TRAPPC9: variants seen among roughly 807,000 people sequenced by gnomAD.
The protein encoded by TRAPPC9 is trafficking protein particle complex subunit 9, also known as IKK2 binding protein.
In TRAPPC9, 83 loss-of-function variants were observed where a neutral mutation model predicts 124.0. That is an observed-to-expected ratio of 0.67 (90% CI 0.56 to 0.80). The LOEUF is 0.80. TRAPPC9 is among the 30% of genes least tolerant of loss of function. The probability of loss-of-function intolerance (pLI) is 0.00; values close to 1 mark genes in which losing one functional copy is unlikely to be tolerated. For missense variants in TRAPPC9, 1,302 were observed against 1,508.3 expected, an observed-to-expected ratio of 0.86 and a Z score of 2.27; for synonymous variants, 638 against 617.5, an observed-to-expected ratio of 1.03 and a Z score of -0.49.
chr8:140,178,535 C>T (rs1374047200), intron 17 of TRAPPC9, among the ~76,000 whole-genome samples: 1 of 152,022 alleles, frequency 6.6e-6, no homozygotes, highest in Non-Finnish European at 1.5e-5. Context: ...ATTCCATTTG[C>T]TAATTTTTCA....
rs189712507 is a variant in TRAPPC9 at position 140,183,349 on chromosome 8, C to T, written c.2556+38110G>A. 1.2e-4 allele frequency among the ~76,000 whole-genome samples: 19 copies of T among 152,214 alleles called. No homozygotes were observed. In the East Asian group the frequency reaches 1.4e-3, roughly 11 times the overall value. Reference sequence around the variant, plus strand: ...CTCCTGACACAGTTTACTGAATACACGGTGGAGGAAAGAGGAGAGACCATC... The same window carrying T: ...CTCCTGACACAGTTTACTGAATACATGGTGGAGGAAAGAGGAGAGACCATC... On this transcript the variant is annotated intron_variant, in intron 17 of 22. Coordinates refer to ENST00000438773, the MANE Select transcript of TRAPPC9 (RefSeq NM_001160372.4).
intron 16 of TRAPPC9, among the ~76,000 whole-genome samples, chr8:140,238,993 G>A (rs2063792531): frequency 6.6e-6 from 1 of 152,196 alleles, no homozygotes; most frequent in African/African-American, 2.4e-5. Context: ...GAGGGGCCCG[G>A]GCGCTGCAGA....
In TRAPPC9 at chr8:139,728,109, T is replaced by C. The variant is rs903944100; in HGVS notation, c.*2952A>G. 5.3e-5 allele frequency among the ~76,000 whole-genome samples: 8 copies of C among 152,188 alleles called. No individual in the cohort carries two copies. Among genetic ancestry groups the C allele is most frequent in the Non-Finnish European group, 1.2e-4 (8 of 68,034 alleles). On this transcript the variant is annotated 3_prime_UTR_variant, in exon 23 of 23. Coordinates refer to ENST00000438773, the MANE Select transcript of TRAPPC9 (RefSeq NM_001160372.4). ...GTATTTTTATCTCTATTTATTCAGATGAAAAAAAATCAAGGCTTAATTTAA... is the reference window on the plus strand; with the variant it reads ...GTATTTTTATCTCTATTTATTCAGACGAAAAAAAATCAAGGCTTAATTTAA...
At chr8:140,062,037 C>A (rs138674131) in intron 17 of TRAPPC9, among the ~76,000 whole-genome samples, 39 of 152,214 alleles carry the variant, frequency 2.6e-4, no homozygotes, top group African/African-American at 9.2e-4. Flanking sequence ...CACTCAAACA[C>A]AATACACGCA....
In TRAPPC9 at chr8:139,907,804, C is replaced by T. The variant is rs1027771941; in HGVS notation, c.2964+2343G>A. Among the ~76,000 whole-genome samples, 2 of 152,202 alleles carry T rather than the reference C, an allele frequency of 1.3e-5. No homozygotes were observed. The highest frequency in any genetic ancestry group is 4.8e-5 in the African/African-American group (2 of 41,440). On this transcript the variant is annotated intron_variant, in intron 20 of 22. Transcript: ENST00000438773. This position sits in a 1 kb window ranked among gnomAD's most constrained non-coding sequence, Gnocchi z 4.7. The stretch of plus-strand genomic sequence containing the variant: ...TCTGTACTTTTTTGATACTGGTTTT[C>T]AAAGAACGCAAGAGTTCTGTGGGCC...
intron 5 of TRAPPC9, among the ~76,000 whole-genome samples, chr8:140,423,753 CAT>C (rs201205746): frequency 1.3e-5 from 2 of 150,126 alleles, no homozygotes; most frequent in South Asian, 2.1e-4. Context: ...CATATATATA[CAT>C]ATATATATAC....
At chr8:140,280,725 C>T (rs1022413930) in intron 14 of TRAPPC9, among the ~76,000 whole-genome samples, 1 of 152,090 alleles carries the variant, frequency 6.6e-6, no homozygotes, top group African/African-American at 2.4e-5. Context: ...TGAGCCACCA[C>T]GCCCAGCCTG....
intron 7 of TRAPPC9, among the ~76,000 whole-genome samples, chr8:140,388,847 CAA>C (rs59649390): frequency 1.2e-3 from 75 of 60,914 alleles, no homozygotes; most frequent in Admixed American, 1.9e-3. Context: ...GAGACTCCAT[CAA>C]AAAAAAAAAA....
chr8:139,737,894 G>A (rs999938882), intron 21 of TRAPPC9, among the ~76,000 whole-genome samples: 3 of 152,204 alleles, frequency 2.0e-5, no homozygotes, highest in Admixed American at 6.5e-5. Context: ...GAGCAGCGGA[G>A]GAGAACTAGG....
intron 17 of TRAPPC9, among the ~76,000 whole-genome samples, chr8:140,123,630 T>C (rs539008799): frequency 3.2e-4 from 49 of 152,360 alleles, no homozygotes; most frequent in African/African-American, 1.1e-3. Flanking sequence ...TCATGCCCCA[T>C]GTACTTCTCG....
At chr8:140,444,686 C>CCCA (rs1254289685) in intron 2 of TRAPPC9, among the ~76,000 whole-genome samples, 3 of 127,740 alleles carry the variant, frequency 2.3e-5, no homozygotes, top group Non-Finnish European at 5.3e-5. Flanking sequence ...CATGGTGAGA[C>CCCA]CCCCCCCATC....
intron 5 of TRAPPC9, among the ~76,000 whole-genome samples, chr8:140,418,698 C>T (rs562421131): frequency 2.0e-5 from 3 of 150,896 alleles, no homozygotes; most frequent in East Asian, 1.9e-4. Context: ...CCAGCCTGGG[C>T]GACAAAGCGA....
intron 17 of TRAPPC9, among the ~76,000 whole-genome samples, chr8:140,051,357 T>C (rs1390228923): frequency 6.6e-6 from 1 of 152,204 alleles, no homozygotes; most frequent in Non-Finnish European, 1.5e-5. Context: ...CCTGCACCGT[T>C]GGTCGGTCAT....
intron 21 of TRAPPC9, among the ~76,000 whole-genome samples, chr8:139,816,421 G>A (rs1404475079): frequency 1.3e-5 from 2 of 152,202 alleles, no homozygotes; most frequent in African/African-American, 2.4e-5. Flanking sequence ...AGCAATGCTG[G>A]GTGTGTTGCA....
rs1843451208 is a variant in TRAPPC9 at position 140,075,475 on chromosome 8, C to A, written c.2557-51396G>T. 2.6e-5 allele frequency among the ~76,000 whole-genome samples: 4 copies of A among 152,204 alleles called. No individual in the cohort carries two copies. The South Asian group carries it at 8.3e-4, about 31-fold the overall frequency. On this transcript the variant is annotated intron_variant, in intron 17 of 22. Transcript: ENST00000438773. ...CACATCCCTCTCCTCCTCCAGCCTGCTTATCGCCACCATGTGGGATGCAAA... is the reference window on the plus strand; with the variant it reads ...CACATCCCTCTCCTCCTCCAGCCTGATTATCGCCACCATGTGGGATGCAAA...
intron 5 of TRAPPC9, among the ~76,000 whole-genome samples, chr8:140,420,511 T>TA (rs2070164421): frequency 6.6e-6 from 1 of 152,220 alleles, no homozygotes. Context: ...GGGTAATTTT[T>TA]AAATTTATTT....
intron 17 of TRAPPC9, among the ~76,000 whole-genome samples, chr8:140,175,418 A>T (rs1219364037): frequency 6.6e-6 from 1 of 152,050 alleles, no homozygotes; most frequent in African/African-American, 2.4e-5. Flanking sequence ...TTAAGCAAGC[A>T]GCACCTGAGA....
intron 21 of TRAPPC9, among the ~76,000 whole-genome samples, chr8:139,849,185 C>T (rs12675875): frequency 0.025 from 3,853 of 152,270 alleles, 172 homozygotes; most frequent in East Asian, 0.12. Context: ...AAAGATCTCC[C>T]GAGAACTCCA....
At position 139,879,611 on chromosome 8, in the gene TRAPPC9, G is replaced by A. The variant is rs556412370; in HGVS notation, c.3055+6268C>T. 9.8e-5 allele frequency among the ~76,000 whole-genome samples: 15 copies of A among 152,290 alleles called. No individual in the cohort carries two copies. The East Asian group carries it at 2.7e-3, about 27-fold the overall frequency. On this transcript the variant is annotated intron_variant, in intron 21 of 22. Coordinates refer to ENST00000438773, the MANE Select transcript of TRAPPC9 (RefSeq NM_001160372.4). The stretch of plus-strand genomic sequence containing the variant: ...CCTCCCAAATGCCCTCTGCCTGCAG[G>A]ATCAGGCTGCTCCGGCCCCCGCAGG...
Sources: allele counts gnomAD v4.1 joint callset (sites outside exome capture counted in the v4.1 genomes callset), GRCh38; gene constraint gnomAD v4.1.1; non-coding constraint Gnocchi (gnomAD v3.1); transcripts MANE v1.5; gene names NCBI Gene and HGNC (gene_info 2026-07-23, HGNC 2026-07-21).